EDIL3: variants seen among roughly 807,000 people sequenced by gnomAD.
The protein encoded by EDIL3 is EGF-like repeat and discoidin I-like domain-containing protein 3.
A neutral mutation model predicts 67.4 loss-of-function variants in EDIL3; 37 were observed. The ratio of observed to expected loss-of-function variants is 0.55; its 90% CI spans 0.42 to 0.72. EDIL3 has a LOEUF of 0.72. EDIL3 is among the 30% of genes least tolerant of loss of function. The pLI, the probability that EDIL3 is intolerant of heterozygous loss-of-function variation, is 0.00. For synonymous variants in EDIL3, 195 were observed against 196.3 expected (o/e 0.99, Z 0.05); for missense variants, 527 against 586.3 (o/e 0.90, Z 1.04).
chr5:84,256,148 C>CTATCTATCTATCTATCATCTATCT (rs3046886), intron 1 of EDIL3, among the ~76,000 whole-genome samples: 6 of 146,652 alleles, frequency 4.1e-5, no homozygotes, highest in East Asian at 4.1e-4. Context: ...ATCTATCTAT[C>CTATCTATCTATCTATCATCTATCT]ATCTATCTAT....
intron 5 of EDIL3, among the ~76,000 whole-genome samples, chr5:84,116,656 C>T (rs1747671398): frequency 6.6e-6 from 1 of 152,034 alleles, no homozygotes; most frequent in African/African-American, 2.4e-5. Context: ...AATAAAATTG[C>T]CACAAATGTT....
At chr5:84,038,098 G>A (rs540171344) in intron 9 of EDIL3, among the ~76,000 whole-genome samples, 1 of 148,426 alleles carries the variant, frequency 6.7e-6, no homozygotes, top group African/African-American at 2.5e-5. Flanking sequence ...TGCCTCCCGG[G>A]TTCAAGCAAT....
intron 4 of EDIL3, among the ~76,000 whole-genome samples, chr5:84,178,207 A>G (rs1748953718): frequency 6.6e-6 from 1 of 152,200 alleles, no homozygotes; most frequent in Non-Finnish European, 1.5e-5. Flanking sequence ...ATTTCAGTGT[A>G]TATGAGAGTC....
intron 9 of EDIL3, among the ~76,000 whole-genome samples, chr5:83,979,990 T>C (rs1175287135): frequency 6.6e-6 from 1 of 151,970 alleles, no homozygotes; most frequent in South Asian, 2.1e-4. Context: ...AGAAAAGAAA[T>C]TGGAAAAAAC....
intron 2 of EDIL3, among the ~76,000 whole-genome samples, chr5:84,235,475 C>G (rs1744661383): frequency 6.6e-6 from 1 of 152,030 alleles, no homozygotes; most frequent in African/African-American, 2.4e-5. Flanking sequence ...ACACATAAAA[C>G]ATAATTTTGT....
chr5:84,213,767 G>A (rs911643920), intron 3 of EDIL3, among the ~76,000 whole-genome samples: 10 of 151,970 alleles, frequency 6.6e-5, no homozygotes, highest in African/African-American at 2.4e-4. Flanking sequence ...CTATACCCAG[G>A]TATGTTTTAT....
chr5:84,375,817 T>C (rs1382530547), intron 1 of EDIL3, among the ~76,000 whole-genome samples: 1 of 152,204 alleles, frequency 6.6e-6, no homozygotes, highest in African/African-American at 2.4e-5. Flanking sequence ...ATTAACACTT[T>C]CTGACCAAAT....
At chr5:84,036,777 A>G (rs1011552130) in intron 9 of EDIL3, among the ~76,000 whole-genome samples, 3 of 152,176 alleles carry the variant, frequency 2.0e-5, no homozygotes, top group Non-Finnish European at 4.4e-5. Context: ...CTGTATTCGT[A>G]TTAAACTGCA....
intron 9 of EDIL3, among the ~76,000 whole-genome samples, chr5:84,040,244 TC>T (rs1338037609): frequency 1.3e-5 from 2 of 152,184 alleles, no homozygotes; most frequent in Admixed American, 6.5e-5. Flanking sequence ...GATTGATAAC[TC>T]TTGAAAATAG....
rs116630427 is a variant in EDIL3, at chr5:84,059,431, G to A, written c.1137+869C>T. Among the ~76,000 whole-genome samples, 1,104 of 152,186 alleles carry A rather than the reference G, an allele frequency of 7.3e-3. 17 individuals carry two copies. The highest frequency in any genetic ancestry group is 0.026 in the African/African-American group (1,067 of 41,530). On this transcript the variant is annotated intron_variant, in intron 9 of 10. Transcript: ENST00000296591. ...AAGGAGAGGAGTGGAGCAGAGAGGA[G>A]AGAAGAGAAGAGGAACTATTGCAAA...
At chr5:84,218,137 A>C (rs960745124) in intron 3 of EDIL3, among the ~76,000 whole-genome samples, 2 of 152,220 alleles carry the variant, frequency 1.3e-5, no homozygotes, top group African/African-American at 4.8e-5. Flanking sequence ...ACAAATATTA[A>C]GTCACTTTTT....
intron 1 of EDIL3, among the ~76,000 whole-genome samples, chr5:84,263,774 G>A (rs1745283951): frequency 1.3e-5 from 2 of 152,174 alleles, no homozygotes; most frequent in African/African-American, 2.4e-5. Context: ...GGTGCTGATA[G>A]AAGCAACTAC....
At chr5:84,330,983 AAAG>A (rs1162523530) in intron 1 of EDIL3, among the ~76,000 whole-genome samples, 2 of 152,232 alleles carry the variant, frequency 1.3e-5, no homozygotes, top group African/African-American at 4.8e-5. Context: ...ACATGGAGTC[AAAG>A]AAGATCATTT....
chr5:84,192,087 A>C (rs1743601937), intron 3 of EDIL3, among the ~76,000 whole-genome samples: 1 of 151,080 alleles, frequency 6.6e-6, no homozygotes, highest in African/African-American at 2.5e-5. Context: ...TAAAAAGATT[A>C]ATTGAAGTAT....
Position 84,355,976 on chromosome 5 carries a change from A to G in EDIL3, c.67+28332T>C, listed in dbSNP as rs532853475. 2.2e-4 allele frequency among the ~76,000 whole-genome samples: 33 copies of G among 152,206 alleles called. No individual in the cohort carries two copies. The South Asian group carries it at 4.6e-3, about 21-fold the overall frequency. On this transcript the variant is annotated intron_variant, in intron 1 of 10. Transcript: ENST00000296591. ...GGGCTGCTGCCTTTCATTCCGTTAA[A>G]GTGAATGCTATGAATATATGGATCT...
At chr5:84,254,964 G>C (rs1188048498) in intron 1 of EDIL3, among the ~76,000 whole-genome samples, 1 of 152,130 alleles carries the variant, frequency 6.6e-6, no homozygotes, top group Non-Finnish European at 1.5e-5. Context: ...TGTAACAATT[G>C]ATAAAGCTGT....
At chr5:83,998,659 T>C (rs1745275219) in intron 9 of EDIL3, among the ~76,000 whole-genome samples, 1 of 152,242 alleles carries the variant, frequency 6.6e-6, no homozygotes, top group Admixed American at 6.5e-5. Context: ...CAGGCCCTAG[T>C]TCCCAAATGG....
chr5:84,221,167 A>G (rs941781601), intron 3 of EDIL3, among the ~76,000 whole-genome samples: 2 of 152,188 alleles, frequency 1.3e-5, no homozygotes, highest in African/African-American at 4.8e-5. Flanking sequence ...AACACATGCA[A>G]CTGAAAACAT....
At chr5:84,189,458 T>G (rs139109713) in intron 3 of EDIL3, among the ~76,000 whole-genome samples, 1 of 152,104 alleles carries the variant, frequency 6.6e-6, no homozygotes, top group Non-Finnish European at 1.5e-5. Context: ...GCACAGTAGT[T>G]GATGTCTCCT....
Sources: allele counts gnomAD v4.1 joint callset (sites outside exome capture counted in the v4.1 genomes callset), GRCh38; gene constraint gnomAD v4.1.1; transcripts MANE v1.5; gene names NCBI Gene and HGNC (gene_info 2026-07-23, HGNC 2026-07-21).